TBC1D22A: variants seen among roughly 807,000 people sequenced by gnomAD.
The protein encoded by TBC1D22A is TBC1 domain family member 22A.
In TBC1D22A, 38 loss-of-function variants were observed where a neutral mutation model predicts 60.2. The ratio of observed to expected loss-of-function variants is 0.63; its 90% CI spans 0.49 to 0.83. The LOEUF (loss-of-function observed/expected upper bound fraction) is 0.83, where lower values mean the gene tolerates loss of function less well. Among genes scored for constraint, TBC1D22A ranks in the 40% least tolerant of loss-of-function variants. The pLI, the probability that TBC1D22A is intolerant of heterozygous loss-of-function variation, is 0.00. For missense variants in TBC1D22A, 628 were observed against 701.0 expected, an observed-to-expected ratio of 0.90 and a Z score of 1.18; for synonymous variants, 302 against 281.7, an observed-to-expected ratio of 1.07 and a Z score of -0.72.
chr22:46,960,771 G>T (rs942780184), intron 8 of TBC1D22A, among the ~76,000 whole-genome samples: 4 of 151,878 alleles, frequency 2.6e-5, no homozygotes, highest in Non-Finnish European at 5.9e-5. Flanking sequence ...ACGGTGAAAC[G>T]CTGTCTCGAC....
At chr22:46,786,092 T>C (rs1254516271) in intron 1 of TBC1D22A, among the ~76,000 whole-genome samples, 3 of 152,222 alleles carry the variant, frequency 2.0e-5, no homozygotes, top group Non-Finnish European at 4.4e-5. Context: ...GTCTTTTTCC[T>C]GAGCTTAGGG....
chr22:47,120,393 T>C (rs1418220083), intron 12 of TBC1D22A, among the ~76,000 whole-genome samples: 1 of 152,236 alleles, frequency 6.6e-6, no homozygotes, highest in Non-Finnish European at 1.5e-5. Context: ...GAAGGCTCCT[T>C]GTCCTCTCCC....
At chr22:47,059,335 A>G (rs1014621440) in intron 11 of TBC1D22A, among the ~76,000 whole-genome samples, 4 of 152,228 alleles carry the variant, frequency 2.6e-5, no homozygotes, top group Non-Finnish European at 4.4e-5. Flanking sequence ...GAGAACTAGA[A>G]GGTGCAGACA....
intron 4 of TBC1D22A, among the ~76,000 whole-genome samples, chr22:46,824,484 AG>A (rs2085963963): frequency 6.6e-6 from 1 of 152,124 alleles, no homozygotes; most frequent in Non-Finnish European, 1.5e-5. Context: ...GAGGCGAGCG[AG>A]GAGGGAGGGG....
At chr22:47,018,743 G>A (rs2061985097) in intron 10 of TBC1D22A, among the ~76,000 whole-genome samples, 1 of 152,172 alleles carries the variant, frequency 6.6e-6, no homozygotes. Flanking sequence ...TCATCGCCAT[G>A]AGGAGTGGGT....
At position 46,775,727 on chromosome 22, in the gene TBC1D22A, C is replaced by T. The variant is rs201710854; in HGVS notation, c.62+12879C>T. ...ATCAGCCAGATGTGCCTGCCTCAGCCGTCATGCTTTTAAATAGCTGAGAGA... is the reference window on the plus strand; with the variant it reads ...ATCAGCCAGATGTGCCTGCCTCAGCTGTCATGCTTTTAAATAGCTGAGAGA... On this transcript the variant is annotated intron_variant, in intron 1 of 12. Transcript: ENST00000337137. 1.2e-3 allele frequency among the ~76,000 whole-genome samples: 178 copies of T among 152,306 alleles called. 1 individual carries two copies. Among genetic ancestry groups the T allele is most frequent in the African/African-American group, 3.9e-3 (163 of 41,564 alleles).
At chr22:47,156,652 C>A (rs2067730431) in intron 12 of TBC1D22A, among the ~76,000 whole-genome samples, 1 of 152,136 alleles carries the variant, frequency 6.6e-6, no homozygotes, top group Non-Finnish European at 1.5e-5. Context: ...CCTCCCTGCA[C>A]CCTTCTCCTG....
intron 11 of TBC1D22A, among the ~76,000 whole-genome samples, chr22:47,053,171 C>T (rs2063283070): frequency 6.6e-6 from 1 of 152,020 alleles, no homozygotes; most frequent in Non-Finnish European, 1.5e-5. Context: ...CACCACCAGC[C>T]CAGGGCCTCA....
chr22:47,098,067 AAAAAAG>A (rs1476353383), intron 11 of TBC1D22A, among the ~76,000 whole-genome samples: 3 of 152,308 alleles, frequency 2.0e-5, no homozygotes, highest in Admixed American at 6.5e-5. Flanking sequence ...GTAAAGAAAA[AAAAAAG>A]AAAAAGAAAA....
chr22:47,057,744 C>A (rs2043284185), intron 11 of TBC1D22A, among the ~76,000 whole-genome samples: 1 of 152,156 alleles, frequency 6.6e-6, no homozygotes, highest in Non-Finnish European at 1.5e-5. Context: ...CACAGGAAAA[C>A]CATTCCCGTG....
chr22:47,055,917 T>TCAG (rs1382230575), intron 11 of TBC1D22A, among the ~76,000 whole-genome samples: 5 of 151,586 alleles, frequency 3.3e-5, no homozygotes, highest in East Asian at 3.9e-4. Context: ...CCACTGAGGG[T>TCAG]TGGTGAGATA....
At chr22:47,159,266 CA>C (rs2067855565) in intron 12 of TBC1D22A, among the ~76,000 whole-genome samples, 1 of 150,886 alleles carries the variant, frequency 6.6e-6, no homozygotes, top group South Asian at 2.1e-4. Flanking sequence ...ACGCAGACAA[CA>C]CACACCATGT....
At chr22:46,845,380 T>G (rs905337053) in intron 4 of TBC1D22A, among the ~76,000 whole-genome samples, 9 of 152,228 alleles carry the variant, frequency 5.9e-5, no homozygotes, top group African/African-American at 2.2e-4. Context: ...GGTTGGAAAA[T>G]TTTTAATGAA....
chr22:46,818,705 A>T (rs567037530), intron 4 of TBC1D22A, among the ~76,000 whole-genome samples: 1 of 152,192 alleles, frequency 6.6e-6, no homozygotes, highest in Non-Finnish European at 1.5e-5. Context: ...TTTTGCTAGG[A>T]TTGTCTTGGC....
intron 11 of TBC1D22A, among the ~76,000 whole-genome samples, chr22:47,051,299 G>A (rs888253448): frequency 6.6e-6 from 1 of 152,176 alleles, no homozygotes; most frequent in Non-Finnish European, 1.5e-5. Flanking sequence ...TATCAGAGAA[G>A]GTACCTGGTT....
chr22:46,924,595 A>T (rs895186824), intron 8 of TBC1D22A, among the ~76,000 whole-genome samples: 2 of 152,124 alleles, frequency 1.3e-5, no homozygotes, highest in African/African-American at 4.8e-5. Context: ...AAATACAAAC[A>T]TTAGCTGGGC....
chr22:47,020,847 ATTACAGGAT>A (rs1169368768), intron 10 of TBC1D22A, among the ~76,000 whole-genome samples: 2 of 146,622 alleles, frequency 1.4e-5, no homozygotes, highest in Admixed American at 6.8e-5. Context: ...TAATTATATA[ATTACAGGAT>A]TATATAATAA....
At chr22:47,124,091 G>A (rs1280789309) in intron 12 of TBC1D22A, among the ~76,000 whole-genome samples, 1 of 152,232 alleles carries the variant, frequency 6.6e-6, no homozygotes, top group Non-Finnish European at 1.5e-5. Context: ...TCCCCGAAGA[G>A]GGGTCCTTGT....
chr22:47,054,901 G>T (rs2063341524), intron 11 of TBC1D22A, among the ~76,000 whole-genome samples: 1 of 152,152 alleles, frequency 6.6e-6, no homozygotes, highest in African/African-American at 2.4e-5. Context: ...GTGGGGTGTG[G>T]GTGCAGTTGG....
Sources: gnomAD v4.1 joint callset for allele counts (sites outside exome capture counted in the v4.1 genomes callset) on GRCh38, gnomAD v4.1.1 for gene constraint, MANE v1.5 for transcripts, NCBI Gene and HGNC (gene_info 2026-07-23, HGNC 2026-07-21) for gene names.